Variants in PTH2R observed in about 807,000 individuals in gnomAD.
PTH2R encodes the protein parathyroid hormone 2 receptor.
In PTH2R, 59 loss-of-function variants were observed where a neutral mutation model predicts 60.3. That is an observed-to-expected ratio of 0.98 (90% CI 0.79 to 1.22). The LOEUF (loss-of-function observed/expected upper bound fraction) is 1.22. Ranked by LOEUF, PTH2R falls within the 50% of genes most tolerant of loss-of-function variation. The pLI, the probability that PTH2R is intolerant of heterozygous loss-of-function variation, is 0.00. For missense variants in PTH2R, 749 were observed against 682.6 expected (o/e 1.10, Z -1.08); for synonymous variants, 256 against 243.8 (o/e 1.05, Z -0.47).
intron 1 of PTH2R, among the ~76,000 whole-genome samples, chr2:208,407,478 A>G (rs1266083629): frequency 6.6e-6 from 1 of 152,190 alleles, no homozygotes; most frequent in Non-Finnish European, 1.5e-5. Context: ...ATTAATCGAA[A>G]TGACTTTTGT....
chr2:208,437,021 T>C (rs533226684), intron 2 of PTH2R, among the ~76,000 whole-genome samples: 2 of 152,314 alleles, frequency 1.3e-5, no homozygotes, highest in East Asian at 3.9e-4. Flanking sequence ...TGGATTCATC[T>C]TGAGAAGAGT....
At position 208,479,930 on chromosome 2, in the gene PTH2R, C is replaced by T. The variant is rs564934513; in HGVS notation, c.982-1140C>T. Among the ~76,000 whole-genome samples, 203 of 152,316 alleles carry T rather than the reference C, an allele frequency of 1.3e-3. 1 individual carries two copies. The highest frequency in any genetic ancestry group is 4.7e-3 in the African/African-American group (195 of 41,560). ...ATGTTTAATAAATGGCAGCTATTAT[C>T]GGCCTGGAAACATCCCTTTCCTTTC... is the stretch of plus-strand genomic sequence containing the variant. On this transcript the variant is annotated intron_variant, in intron 9 of 12. Coordinates refer to ENST00000272847, the MANE Select transcript of PTH2R (RefSeq NM_005048.4).
At chr2:208,472,176 T>C (rs939320914) in intron 9 of PTH2R, among the ~76,000 whole-genome samples, 2 of 152,214 alleles carry the variant, frequency 1.3e-5, no homozygotes, top group Admixed American at 1.3e-4. Flanking sequence ...ATGTGGACTT[T>C]GAGCTGTTGC....
At chr2:208,413,823 C>A (rs1462169364) in intron 1 of PTH2R, among the ~76,000 whole-genome samples, 1 of 152,160 alleles carries the variant, frequency 6.6e-6, no homozygotes, top group Non-Finnish European at 1.5e-5. Context: ...GGGCTTCTGG[C>A]CAGTTTTGGT....
In PTH2R at chr2:208,442,422, G is replaced by C. The variant is rs757495371; in HGVS notation, c.470G>C (p.Gly157Ala). 1.2e-6 allele frequency: 2 copies of C among 1,613,364 alleles called. No individual in the cohort carries two copies. The highest frequency in any genetic ancestry group is 1.7e-6 in the Non-Finnish European group (2 of 1,179,380). Residue 157 changes from glycine to alanine, a missense_variant, in exon 5 of 13, where the codon GGT becomes GCT. By Grantham distance (60) the Gly-to-Ala change is moderately conservative. Coordinates refer to ENST00000272847, the MANE Select transcript of PTH2R (RefSeq NM_005048.4). ...ACCGTTGGCTACTCCATCTCTTTTG[G>C]TTCCTTGGCTGTGGCTATTCTCATC... ...MYTVGYSISF[G>A]SLAVAILIIG...
At chr2:208,482,958 T>C (rs1703191273) in intron 10 of PTH2R, among the ~76,000 whole-genome samples, 1 of 152,186 alleles carries the variant, frequency 6.6e-6, no homozygotes, top group Admixed American at 6.5e-5. Flanking sequence ...GCACATCACG[T>C]GCTGTTGGCT....
intron 1 of PTH2R, among the ~76,000 whole-genome samples, chr2:208,384,196 C>T (rs1317375587): frequency 6.6e-6 from 1 of 152,108 alleles, no homozygotes; most frequent in African/African-American, 2.4e-5. Flanking sequence ...CTGGTTAGAG[C>T]AGGTTTCCGG....
intron 7 of PTH2R, among the ~76,000 whole-genome samples, chr2:208,450,287 A>C (rs1015787037): frequency 6.6e-6 from 1 of 152,334 alleles, no homozygotes; most frequent in South Asian, 2.1e-4. Context: ...GATTTTTATA[A>C]CTTGCCTCAG....
At chr2:208,459,436 G>C (rs1417119768) in intron 8 of PTH2R, among the ~76,000 whole-genome samples, 1 of 152,070 alleles carries the variant, frequency 6.6e-6, no homozygotes, top group East Asian at 1.9e-4. Flanking sequence ...GCATTTCTAT[G>C]AATAAGAATA....
intron 1 of PTH2R, among the ~76,000 whole-genome samples, chr2:208,372,929 A>G (rs953621930): frequency 9.9e-5 from 15 of 152,020 alleles, no homozygotes; most frequent in African/African-American, 3.6e-4. Flanking sequence ...CACCAAAAAT[A>G]CAAAAAATTA....
intron 1 of PTH2R, among the ~76,000 whole-genome samples, chr2:208,414,297 A>G (rs1054564446): frequency 6.6e-6 from 1 of 152,202 alleles, no homozygotes; most frequent in African/African-American, 2.4e-5. Context: ...AAAGCAACTA[A>G]AAGTGGAGTT....
At chr2:208,477,625 A>G (rs1703036221) in intron 9 of PTH2R, among the ~76,000 whole-genome samples, 1 of 152,112 alleles carries the variant, frequency 6.6e-6, no homozygotes, top group Non-Finnish European at 1.5e-5. Context: ...TGAATCTTTA[A>G]TTGCAAAATA....
At chr2:208,384,232 T>G (rs1700966575) in intron 1 of PTH2R, among the ~76,000 whole-genome samples, 1 of 152,140 alleles carries the variant, frequency 6.6e-6, no homozygotes, top group Non-Finnish European at 1.5e-5. Context: ...GGTGAGGGTT[T>G]GGATTGGTAG....
chr2:208,478,780 G>A (rs998603420), intron 9 of PTH2R, among the ~76,000 whole-genome samples: 7 of 152,102 alleles, frequency 4.6e-5, no homozygotes, highest in Admixed American at 3.3e-4. Context: ...GATCCAGGCC[G>A]CATGGGCTGC....
chr2:208,377,792 C>G (rs1405541344), intron 1 of PTH2R, among the ~76,000 whole-genome samples: 1 of 150,202 alleles, frequency 6.7e-6, no homozygotes, highest in Non-Finnish European at 1.5e-5. Context: ...GGGGCAGAGG[C>G]GCTTCCCGCA....
intron 1 of PTH2R, among the ~76,000 whole-genome samples, chr2:208,377,083 T>A (rs981931072): frequency 3.9e-5 from 6 of 151,944 alleles, no homozygotes; most frequent in African/African-American, 1.5e-4. Flanking sequence ...TCTTAACGAG[T>A]CTGCTGCCTT....
intron 1 of PTH2R, among the ~76,000 whole-genome samples, chr2:208,382,760 C>A (rs1476985338): frequency 3.3e-5 from 5 of 152,196 alleles, no homozygotes; most frequent in Non-Finnish European, 7.3e-5. Flanking sequence ...TCTGTACTTA[C>A]GGACTCCTGC....
At chr2:208,459,678 C>G (rs1171321120) in intron 8 of PTH2R, among the ~76,000 whole-genome samples, 1 of 152,142 alleles carries the variant, frequency 6.6e-6, no homozygotes, top group East Asian at 1.9e-4. Flanking sequence ...TTATAATTCT[C>G]TACTCATCTT....
chr2:208,416,684 G>T (rs912651493), intron 1 of PTH2R, among the ~76,000 whole-genome samples: 1 of 152,230 alleles, frequency 6.6e-6, no homozygotes, highest in Non-Finnish European at 1.5e-5. Context: ...ATTAACATTT[G>T]AGTCAGTGGG....
Sources: allele counts gnomAD v4.1 joint callset (sites outside exome capture counted in the v4.1 genomes callset), GRCh38; gene constraint gnomAD v4.1.1; transcripts MANE v1.5; gene names NCBI Gene and HGNC (gene_info 2026-07-23, HGNC 2026-07-21).